Variants in SPAG16 observed in about 807,000 individuals in gnomAD.
SPAG16 encodes sperm-associated antigen 16 protein.
SPAG16 carries 86 observed loss-of-function variants against 80.4 expected under a neutral mutation model. The ratio of observed to expected loss-of-function variants is 1.07; its 90% CI spans 0.90 to 1.28. The LOEUF is 1.28. Among genes scored for constraint, SPAG16 ranks in the 50% most tolerant of loss-of-function variants. SPAG16 has a pLI of 0.00. For missense variants in SPAG16, 870 were observed against 765.3 expected, an observed-to-expected ratio of 1.14 and a Z score of -1.61; for synonymous variants, 294 against 265.9, an observed-to-expected ratio of 1.11 and a Z score of -1.03.
chr2:214,141,466 CAA>C (rs150033050), intron 14 of SPAG16, among the ~76,000 whole-genome samples: 7 of 136,840 alleles, frequency 5.1e-5, no homozygotes, highest in African/African-American at 8.5e-5. Context: ...GACTCGGCCT[CAA>C]AAAAAAAAAA....
At chr2:213,989,839 A>G (rs1266096678) in intron 12 of SPAG16, among the ~76,000 whole-genome samples, 1 of 152,168 alleles carries the variant, frequency 6.6e-6, no homozygotes, top group Non-Finnish European at 1.5e-5. Context: ...GAAATGGTTA[A>G]TGAGCCCAGA....
intron 14 of SPAG16, among the ~76,000 whole-genome samples, chr2:214,137,800 T>C (rs1457368809): frequency 2.9e-5 from 1 of 33,902 alleles, no homozygotes; most frequent in African/African-American, 7.9e-5. Flanking sequence ...ATATTGAGCA[T>C]ATGTCATGGC....
intron 13 of SPAG16, among the ~76,000 whole-genome samples, chr2:214,049,891 A>G (rs1056474713): frequency 6.6e-6 from 1 of 152,250 alleles, no homozygotes; most frequent in Admixed American, 6.5e-5. Context: ...TAGAAACGTC[A>G]TTTGAAAAAT....
intron 5 of SPAG16, among the ~76,000 whole-genome samples, chr2:213,325,042 A>G (rs1375069114): frequency 6.6e-6 from 1 of 152,022 alleles, no homozygotes; most frequent in Non-Finnish European, 1.5e-5. Flanking sequence ...GCATTCTACA[A>G]AGCATTTATC....
chr2:214,000,343 G>T (rs2046735895), intron 12 of SPAG16, among the ~76,000 whole-genome samples: 2 of 152,010 alleles, frequency 1.3e-5, no homozygotes. Context: ...ATTTTCTGTT[G>T]CTGCCTTTCA....
At chr2:214,331,973 T>C (rs1466058864) in intron 15 of SPAG16, among the ~76,000 whole-genome samples, 1 of 152,202 alleles carries the variant, frequency 6.6e-6, no homozygotes, top group African/African-American at 2.4e-5. Flanking sequence ...AATTTTGGGA[T>C]GGGCACAGTG....
At chr2:213,932,179 TATATATATATATATATATATTTGTTG>T (rs1439659463) in intron 12 of SPAG16, among the ~76,000 whole-genome samples, 10 of 26,006 alleles carry the variant, frequency 3.8e-4, no homozygotes, top group Admixed American at 1.6e-3. Context: ...TATATATATA[TATATATATATATATATATATTTGTTG>T]TTGTTGTTGT....
At chr2:213,984,618 C>A (rs1275164194) in intron 12 of SPAG16, among the ~76,000 whole-genome samples, 1 of 152,104 alleles carries the variant, frequency 6.6e-6, no homozygotes, top group Non-Finnish European at 1.5e-5. Context: ...CTGCTTCAGT[C>A]ATGCTTTATG....
chr2:214,038,612 T>C (rs2048835957), intron 13 of SPAG16, among the ~76,000 whole-genome samples: 1 of 152,150 alleles, frequency 6.6e-6, no homozygotes, highest in African/African-American at 2.4e-5. Flanking sequence ...TACATATATA[T>C]ACATGTGCCA....
intron 10 of SPAG16, among the ~76,000 whole-genome samples, chr2:213,721,406 C>G (rs2066530100): frequency 6.6e-6 from 1 of 152,162 alleles, no homozygotes; most frequent in Admixed American, 6.5e-5. Context: ...GCCTATAATT[C>G]CAATTTTAGC....
At chr2:213,661,485 T>C (rs6435783) in intron 10 of SPAG16, among the ~76,000 whole-genome samples, 62,636 of 151,870 alleles carry the variant, frequency 0.41, 13,800 homozygotes, top group African/African-American at 0.56. Context: ...GCTAGGTGTG[T>C]ACTCACCAGA....
At chr2:214,065,471 G>A (rs1233205871) in intron 13 of SPAG16, among the ~76,000 whole-genome samples, 1 of 152,164 alleles carries the variant, frequency 6.6e-6, no homozygotes, top group African/African-American at 2.4e-5. Context: ...ACAGTGAAGG[G>A]AAAAATACCT....
chr2:213,515,440 C>T (rs2125829161), intron 10 of SPAG16, among the ~76,000 whole-genome samples: 1 of 152,304 alleles, frequency 6.6e-6, no homozygotes, highest in East Asian at 1.9e-4. Flanking sequence ...TGCCCTGTTG[C>T]TCTCAACTGG....
intron 10 of SPAG16, among the ~76,000 whole-genome samples, chr2:213,611,274 C>T (rs2061432085): frequency 6.6e-6 from 1 of 152,156 alleles, no homozygotes; most frequent in Non-Finnish European, 1.5e-5. Context: ...GAAGTTTTCC[C>T]TTGGCTCCTA....
At chr2:213,960,131 TC>T (rs1213272559) in intron 12 of SPAG16, among the ~76,000 whole-genome samples, 4 of 152,224 alleles carry the variant, frequency 2.6e-5, no homozygotes, top group African/African-American at 9.6e-5. Flanking sequence ...CAAATTTGTT[TC>T]CTCTGCCTGC....
chr2:213,494,688 C>T (rs1367395694), intron 10 of SPAG16, among the ~76,000 whole-genome samples: 2 of 152,116 alleles, frequency 1.3e-5, no homozygotes. Flanking sequence ...ATCAGATTTC[C>T]TGCTTTAAAT....
intron 13 of SPAG16, among the ~76,000 whole-genome samples, chr2:214,064,971 G>GAGGC (rs2050463708): frequency 6.6e-6 from 1 of 151,610 alleles, no homozygotes; most frequent in Admixed American, 6.6e-5. Flanking sequence ...AAAATTATAA[G>GAGGC]AATATAAGAA....
At chr2:214,058,786 A>G (rs1253879476) in intron 13 of SPAG16, among the ~76,000 whole-genome samples, 1 of 152,162 alleles carries the variant, frequency 6.6e-6, no homozygotes, top group African/African-American at 2.4e-5. Flanking sequence ...AAAATACTGT[A>G]TTGAGAAAGG....
chr2:213,724,646 C>A (rs181451380), intron 10 of SPAG16, among the ~76,000 whole-genome samples: 10 of 151,332 alleles, frequency 6.6e-5, no homozygotes, highest in Non-Finnish European at 1.5e-5. Context: ...GGTGTGGTGG[C>A]GAGTGCCTGT....
Sources: gnomAD v4.1 joint callset for allele counts (sites outside exome capture counted in the v4.1 genomes callset) on GRCh38, gnomAD v4.1.1 for gene constraint, MANE v1.5 for transcripts, NCBI Gene and HGNC (gene_info 2026-07-23, HGNC 2026-07-21) for gene names.